ZNF106: variants seen among roughly 807,000 people sequenced by gnomAD.
The protein encoded by ZNF106 is zinc finger protein 106.
ZNF106 carries 67 observed loss-of-function variants against 195.1 expected under a neutral mutation model. The observed-to-expected ratio is 0.34, with a 90% confidence interval of 0.28 to 0.42. The LOEUF is 0.42. Among genes scored for constraint, ZNF106 ranks in the 10% least tolerant of loss-of-function variants. ZNF106 has a pLI of 1.00. For missense variants in ZNF106, 2,118 were observed against 2,304.5 expected (o/e 0.92, Z 1.66); for synonymous variants, 784 against 818.6 (o/e 0.96, Z 0.72).
chr15:42,449,106 TG>T (rs896529721), intron 5 of ZNF106, among the ~76,000 whole-genome samples: 1 of 151,938 alleles, frequency 6.6e-6, no homozygotes, highest in Non-Finnish European at 1.5e-5. Flanking sequence ...GAAAGGAAAG[TG>T]GGGGGAAATA....
intron 10 of ZNF106, among the ~76,000 whole-genome samples, chr15:42,440,436 T>A (rs959794668): frequency 2.6e-5 from 4 of 152,192 alleles, no homozygotes; most frequent in African/African-American, 9.7e-5. Flanking sequence ...TATTCAAATA[T>A]TATGCAACTT....
At chr15:42,420,989 G>A in intron 20 of ZNF106, 72 bp downstream of exon 20, 1 of 1,295,824 alleles carries the variant, frequency 7.7e-7, no homozygotes, top group East Asian at 2.3e-5. Context: ...TGATGATAAT[G>A]AAGATCTATC....
chr15:42,425,812 T>A (rs1347942544), intron 15 of ZNF106: 1 of 152,258 alleles, frequency 6.6e-6, no homozygotes, highest in Non-Finnish European at 1.5e-5. Context: ...CTTATTATGA[T>A]GTTCTTCTGG....
At chr15:42,422,726 A>T in intron 17 of ZNF106, 106 bp from the exon 18 acceptor site, 1 of 1,155,426 alleles carries the variant, frequency 8.7e-7, no homozygotes, top group Non-Finnish European at 1.2e-6. Context: ...CTGTACACAT[A>T]TAATTAATAC....
rs1040525907 is a variant in ZNF106, at chr15:42,439,277, C to G, written c.4300G>C (p.Glu1434Gln). ...CTATCTGGCTCATCTCTGACACTCT[C>G]CTGCTCCCGACCAGTCCTGCTGTCT... ...WEDSRTGREQ[E>Q]SVRDEPDSDS... The change falls in exon 11 of 22, where the codon GAG becomes CAG. Residue 1434 changes from glutamate (E) to glutamine (Q), a missense_variant. Transcript: ENST00000564754. 1.1e-5 allele frequency: 18 copies of G among 1,614,038 alleles called. No homozygotes were observed. Among genetic ancestry groups the G allele is most frequent in the Non-Finnish European group, 5.1e-6 (6 of 1,180,036 alleles).
chr15:42,472,391 C>T (rs1041990203), intron 1 of ZNF106, 70 bp from the exon 2 acceptor site: 21 of 1,161,324 alleles, frequency 1.8e-5, no homozygotes, highest in East Asian at 2.7e-5. Context: ...TTCACATAAC[C>T]AAAATTACAA....
chr15:42,489,093 AACACAC>A (rs368303436), intron 1 of ZNF106, among the ~76,000 whole-genome samples: 28 of 142,470 alleles, frequency 2.0e-4, no homozygotes, highest in African/African-American at 6.2e-4. Context: ...AAAAAAAAAC[AACACAC>A]ACACACACAC....
chr15:42,435,831 C>T (rs2055253250), intron 13 of ZNF106, among the ~76,000 whole-genome samples: 1 of 152,186 alleles, frequency 6.6e-6, no homozygotes, highest in African/African-American at 2.4e-5. Flanking sequence ...GACCAAGGAC[C>T]TAGCAAATCC....
chr15:42,435,335 C>T (rs750282482), intron 14 of ZNF106, 49 bp downstream of exon 14: 1 of 1,611,890 alleles, frequency 6.2e-7, no homozygotes. Context: ...ACAGTAAATA[C>T]AAAGGCGACT....
chr15:42,425,077 A>G (rs2054806525), intron 15 of ZNF106, 52 bp from the exon 16 acceptor site: 3 of 1,558,072 alleles, frequency 1.9e-6, no homozygotes, highest in Non-Finnish European at 2.7e-6. Flanking sequence ...GGAAAATTCA[A>G]CTAACCAACA....
Position 42,413,315 on chromosome 15 carries a change from C to T in ZNF106, c.*3989G>A, listed in dbSNP as rs2054331882. 1 of 152,198 alleles carries T rather than the reference C, an allele frequency of 6.6e-6. No homozygotes were observed. Among genetic ancestry groups the T allele is most frequent in the African/African-American group, 2.4e-5 (1 of 41,440 alleles). The allele number at this position is 152,198 out of a possible 1,614,324, so 9.4% of individuals were successfully genotyped here. On this transcript the variant is annotated 3_prime_UTR_variant, in exon 22 of 22. Transcript: ENST00000564754. ...ACAACTTCTATTCCTGTCTATTAGACCACTTCTCTTAAACCCGAGGAACCT... is the reference window on the plus strand; with the variant it reads ...ACAACTTCTATTCCTGTCTATTAGATCACTTCTCTTAAACCCGAGGAACCT...
chr15:42,430,536 C>T (rs540393200), intron 14 of ZNF106, among the ~76,000 whole-genome samples: 3 of 151,846 alleles, frequency 2.0e-5, no homozygotes, highest in South Asian at 2.1e-4. Context: ...TGGGCCATCG[C>T]GCATGCCTAG....
chr15:42,485,026 G>A (rs1461962867), intron 1 of ZNF106, among the ~76,000 whole-genome samples: 2 of 151,798 alleles, frequency 1.3e-5, no homozygotes, highest in Admixed American at 6.6e-5. Flanking sequence ...TTGCATGCCT[G>A]TAATCCCAGC....
rs142375898 is a variant in ZNF106, at chr15:42,448,166, G to A, written c.3041C>T (p.Ser1014Phe). 333 of 1,614,136 alleles carry A rather than the reference G, an allele frequency of 2.1e-4. 2 individuals carry two copies. The Middle Eastern group carries it at 2.8e-3, about 14-fold the overall frequency. The stretch of plus-strand genomic sequence containing the variant: ...ATCTGTGGCTGCATCCGCTAAACTG[G>A]AGATCGCAAGGGCTGAGGATGCGCT... ...SSSASSALAI[S>F]SLADAATDSS... Residue 1014 changes from serine to phenylalanine, a missense_variant, in exon 6 of 22, where the codon TCC becomes TTC. Coordinates refer to ENST00000564754, the MANE Select transcript of ZNF106 (RefSeq NM_001366845.3).
In ZNF106 at chr15:42,439,013, G is replaced by C; in HGVS notation, c.4544+20C>G. On this transcript the variant is annotated intron_variant, in intron 11 of 21. Coordinates refer to ENST00000564754, the MANE Select transcript of ZNF106 (RefSeq NM_001366845.3). The stretch of plus-strand genomic sequence containing the variant: ...AAGTTGGTGAAAGTTGTTCTGACTG[G>C]ACCAATACAATATTCTTACCTTACA... The C allele has an allele frequency of 6.3e-7, 1 of 1,592,492 alleles. No individual in the cohort carries two copies. Among genetic ancestry groups the C allele is most frequent in the Non-Finnish European group, 8.5e-7 (1 of 1,170,286 alleles).
At chr15:42,483,842 C>T (rs949803099) in intron 1 of ZNF106, among the ~76,000 whole-genome samples, 9 of 152,160 alleles carry the variant, frequency 5.9e-5, no homozygotes, top group Non-Finnish European at 1.3e-4. Context: ...AGCTCTTACT[C>T]CTTTTCATCT....
At chr15:42,422,142 T>G (rs1023357198) in intron 18 of ZNF106, among the ~76,000 whole-genome samples, 154 bp from the exon 19 acceptor site, 2 of 152,164 alleles carry the variant, frequency 1.3e-5, no homozygotes, top group Non-Finnish European at 2.9e-5. Context: ...CTAATGGCAA[T>G]TTTTCTTTTA....
intron 4 of ZNF106, 105 bp from the exon 5 acceptor site, chr15:42,452,059 A>C (rs1031504130): frequency 1.6e-6 from 2 of 1,264,792 alleles, no homozygotes; most frequent in South Asian, 1.5e-5. Context: ...CGTTACTTAG[A>C]ATATGTAACC....
chr15:42,460,903 A>T (rs753250980), intron 3 of ZNF106, among the ~76,000 whole-genome samples: 2 of 152,080 alleles, frequency 1.3e-5, no homozygotes, highest in Non-Finnish European at 2.9e-5. Flanking sequence ...TTTTTCAAAA[A>T]CCAAATCCCT....
Sources: gnomAD v4.1 joint callset for allele counts (sites outside exome capture counted in the v4.1 genomes callset) on GRCh38, gnomAD v4.1.1 for gene constraint, MANE v1.5 for transcripts, NCBI Gene and HGNC (gene_info 2026-07-23, HGNC 2026-07-21) for gene names.